Variants in AFDN observed in about 807,000 individuals in gnomAD.
AFDN encodes afadin, adherens junction formation factor.
AFDN carries 68 observed loss-of-function variants against 216.6 expected under a neutral mutation model. The observed-to-expected ratio is 0.31, with a 90% CI of 0.26 to 0.38. AFDN has a LOEUF of 0.38. Among genes scored for constraint, AFDN ranks in the 10% least tolerant of loss-of-function variants. The pLI, the probability that AFDN is intolerant of heterozygous loss-of-function variation, is 1.00. For synonymous variants in AFDN, 868 were observed against 853.7 expected, an observed-to-expected ratio of 1.02 and a Z score of -0.29; for missense variants, 2,136 against 2,342.0, an observed-to-expected ratio of 0.91 and a Z score of 1.82.
chr6:167,926,654 T>G (rs1241543066), intron 23 of AFDN, among the ~76,000 whole-genome samples: 1 of 152,188 alleles, frequency 6.6e-6, no homozygotes, highest in African/African-American at 2.4e-5. Context: ...CTGATCTCGA[T>G]CAAACTCCTG....
At chr6:167,893,985 ATATCT>A (rs1215735414) in intron 9 of AFDN, 79 bp downstream of exon 9, 5 of 1,060,588 alleles carry the variant, frequency 4.7e-6, no homozygotes, top group Non-Finnish European at 7.1e-6. Context: ...GAATGACCAA[ATATCT>A]TATGTATCAG....
At chr6:167,923,497 G>A (rs1013651388) in intron 22 of AFDN, among the ~76,000 whole-genome samples, 1 of 151,918 alleles carries the variant, frequency 6.6e-6, no homozygotes, top group African/African-American at 2.4e-5. Context: ...TGGCTTCCTG[G>A]CATACCTTAG....
chr6:167,923,620 C>CTTTTTT (rs35743665), intron 22 of AFDN, among the ~76,000 whole-genome samples: 5 of 111,972 alleles, frequency 4.5e-5, no homozygotes, highest in Admixed American at 1.0e-4. Context: ...TACCCTAATA[C>CTTTTTT]TTTTTTTTTT....
chr6:167,868,356 G>C (rs1011429615), intron 2 of AFDN, among the ~76,000 whole-genome samples: 1 of 152,032 alleles, frequency 6.6e-6, no homozygotes. Context: ...GATCAGCCTG[G>C]GCAACATAGT....
chr6:167,947,729 T>C (rs1795488743), intron 27 of AFDN, 124 bp from the exon 28 acceptor site: 2 of 561,186 alleles, frequency 3.6e-6, no homozygotes, highest in South Asian at 2.8e-5. Context: ...TTTTTTTTTT[T>C]CATCTCTGTG....
At chr6:167,827,972 G>T (rs1779374462) in intron 1 of AFDN, 1 of 152,264 alleles carries the variant, frequency 6.6e-6, no homozygotes, top group Non-Finnish European at 1.5e-5. Flanking sequence ...TGCTGAAAGC[G>T]TTCCGAGCAG....
chr6:167,927,321 A>C (rs964053040), intron 23 of AFDN, among the ~76,000 whole-genome samples: 30 of 152,182 alleles, frequency 2.0e-4, no homozygotes, highest in Non-Finnish European at 3.7e-4. Flanking sequence ...AGATAGAAGA[A>C]ACGAGTCTTG....
At chr6:167,838,651 A>G (rs2128118877) in intron 1 of AFDN, among the ~76,000 whole-genome samples, 1 of 152,348 alleles carries the variant, frequency 6.6e-6, no homozygotes, top group South Asian at 2.1e-4. Flanking sequence ...CCAAATGAAA[A>G]GGGTGAATCT....
intron 1 of AFDN, among the ~76,000 whole-genome samples, chr6:167,829,317 T>C (rs1349615541): frequency 6.6e-6 from 1 of 152,208 alleles, no homozygotes; most frequent in Non-Finnish European, 1.5e-5. Context: ...ATTCTGGTCC[T>C]AGTTAAGCTT....
rs1416710651 is a variant in AFDN, at chr6:167,965,767, A to AAG, written c.4981_4982dup (p.Gly1662LysfsTer91). 6.5e-7 allele frequency: 1 copy of AAG among 1,547,678 alleles called. No individual in the cohort carries two copies. Among genetic ancestry groups the AAG allele is most frequent in the Non-Finnish European group, 8.7e-7 (1 of 1,148,320 alleles). On this transcript the variant is annotated frameshift_variant, in exon 32 of 34. Coordinates refer to ENST00000683244, the MANE Select transcript of AFDN (RefSeq NM_001386888.1). LOFTEE classifies it high-confidence loss of function. ...TATTCCCGCCCGCAGAGGCGACAGGAAGAAGGGTATTACAGCCGCCTGGAA... is the reference window on the plus strand; with the variant it reads ...TATTCCCGCCCGCAGAGGCGACAGGAAGAGAAGGGTATTACAGCCGCCTGGAA...
intron 26 of AFDN, among the ~76,000 whole-genome samples, chr6:167,946,445 G>A (rs1420957304): frequency 6.6e-6 from 1 of 152,092 alleles, no homozygotes; most frequent in Non-Finnish European, 1.5e-5. Flanking sequence ...AAAATGGTTA[G>A]ATTTGTTGCT....
Position 167,962,502 on chromosome 6 carries a change from G to T in AFDN, c.4903G>T (p.Ala1635Ser), listed in dbSNP as rs1319071561. The change falls in exon 31 of 34, where the codon GCG becomes TCG. Residue 1635 changes from alanine (A) to serine (S), a missense_variant. By Grantham distance (99) the Ala-to-Ser change is moderately conservative. Around this residue, in one of 8 missense-constraint regions of AFDN, gnomAD observed 981 missense variants for 966.0 expected, o/e 1.02. Coordinates refer to ENST00000683244, the MANE Select transcript of AFDN (RefSeq NM_001386888.1). The surrounding 1 kb of genome is among the most constrained non-coding windows in gnomAD (Gnocchi z 5.2). The part of the protein sequence containing the change: ...EMRKREAEDR[A>S]RQEEERRRQE... The stretch of plus-strand genomic sequence containing the variant: ...GCGCAAGCGGGAAGCGGAAGACCGA[G>T]CGAGGCAAGAGGAAGAGCGCCGGCG... 9 of 1,613,814 alleles carry T rather than the reference G, an allele frequency of 5.6e-6. No homozygotes were observed. Among genetic ancestry groups the T allele is most frequent in the Non-Finnish European group, 7.6e-6 (9 of 1,179,738 alleles).
chr6:167,891,016 A>G lies in AFDN; in HGVS notation c.1164A>G (p.Val388=), dbSNP rs1260129153. The change falls in exon 8 of 34, where the codon GTA becomes GTG. Residue 388 remains valine, a synonymous_variant. Coordinates refer to ENST00000683244, the MANE Select transcript of AFDN (RefSeq NM_001386888.1). ...TLPPEKLPYL[V]ELSPGRRNHF... ...CTCCGGAGAAGCTGCCCTATTTAGT[A>G]GAGTTAAGCCCAGGTGAGAAAACTG... 1 of 1,612,892 alleles carries G rather than the reference A, an allele frequency of 6.2e-7. No individual in the cohort carries two copies. Among genetic ancestry groups the G allele is most frequent in the South Asian group, 1.1e-5 (1 of 90,804 alleles).
Position 167,971,377 on chromosome 6 carries a change from A to G in AFDN, c.*1442A>G, listed in dbSNP as rs1186342907. 1.4e-5 allele frequency: 3 copies of G among 207,092 alleles called. No individual in the cohort carries two copies. The highest frequency in any genetic ancestry group is 9.8e-6 in the Non-Finnish European group (1 of 101,672). The allele number at this position is 207,092 out of a possible 1,614,324, so 12.8% of individuals were successfully genotyped here. On this transcript the variant is annotated 3_prime_UTR_variant, in exon 34 of 34. Coordinates refer to ENST00000683244, the MANE Select transcript of AFDN (RefSeq NM_001386888.1). ...ATAGGGGCTTTTTACTGCCTTCGAA[A>G]TCACTTTTAATAAAAGTTGTATGAT...
rs777065314 is a variant in AFDN at position 167,914,763 on chromosome 6, C to T, written c.2299+25C>T. ...GGTTAGGATGTTTTCTGACTGTCTC[C>T]CTCTATCCCGCTTCCTTCACGTTTA... On this transcript the variant is annotated intron_variant, in intron 18 of 33. Transcript: ENST00000683244. The T allele has an allele frequency of 2.2e-5, 32 of 1,478,236 alleles. No homozygotes were observed. The Admixed American group carries it at 3.2e-4, about 15-fold the overall frequency. The allele number at this position is 1,478,236 out of a possible 1,614,324, so 91.6% of individuals were successfully genotyped here.
chr6:167,858,944 G>A (rs1783208817), intron 1 of AFDN, among the ~76,000 whole-genome samples: 1 of 152,074 alleles, frequency 6.6e-6, no homozygotes, highest in South Asian at 2.1e-4. Context: ...AGTGCTAATA[G>A]AAAACTGGGT....
intron 6 of AFDN, among the ~76,000 whole-genome samples, chr6:167,887,814 CTATT>C (rs1431906000): frequency 6.6e-5 from 10 of 152,030 alleles, no homozygotes; most frequent in African/African-American, 2.4e-4. Flanking sequence ...ATTATTTTAT[CTATT>C]TAATTATTTA....
intron 6 of AFDN, among the ~76,000 whole-genome samples, chr6:167,882,701 G>A (rs1475837276): frequency 6.6e-6 from 1 of 152,058 alleles, no homozygotes; most frequent in Non-Finnish European, 1.5e-5. Flanking sequence ...AAGTTATCAA[G>A]GAAATACTGC....
intron 15 of AFDN, 102 bp from the exon 16 acceptor site, chr6:167,913,301 C>T (rs1790640888): frequency 1.3e-5 from 15 of 1,115,146 alleles, no homozygotes; most frequent in East Asian, 7.7e-5. Context: ...ACCTTCATGT[C>T]GTACCTTCAT....
Sources: allele counts gnomAD v4.1 joint callset (sites outside exome capture counted in the v4.1 genomes callset), GRCh38; gene constraint gnomAD v4.1.1; regional missense constraint gnomAD v4.1.1; non-coding constraint Gnocchi (gnomAD v3.1); transcripts MANE v1.5; gene names NCBI Gene and HGNC (gene_info 2026-07-23, HGNC 2026-07-21).